CLBA1: variants seen among roughly 807,000 people sequenced by gnomAD.
CLBA1 encodes the protein clathrin binding box of aftiphilin containing 1.
In CLBA1, 30 loss-of-function variants were observed where a neutral mutation model predicts 28.8. That is an observed-to-expected ratio of 1.04 (90% CI 0.78 to 1.41). CLBA1 has a LOEUF of 1.41. Among genes scored for constraint, CLBA1 ranks in the 40% most tolerant of loss-of-function variants. The pLI, the probability that CLBA1 is intolerant of heterozygous loss-of-function variation, is 0.00. For synonymous variants in CLBA1, 160 were observed against 152.8 expected, an observed-to-expected ratio of 1.05 and a Z score of -0.35; for missense variants, 451 against 412.3, an observed-to-expected ratio of 1.09 and a Z score of -0.81.
intron 4 of CLBA1, 121 bp from the exon 5 acceptor site, chr14:104,994,477 G>A (rs1194813930): frequency 7.0e-7 from 1 of 1,429,186 alleles, no homozygotes; most frequent in Non-Finnish European, 9.1e-7. Flanking sequence ...GTTTCTAAGA[G>A]GAGAACCAAG....
chr14:104,996,886 G>T (rs1247886201), downstream of CLBA1, among the ~76,000 whole-genome samples: 1 of 152,246 alleles, frequency 6.6e-6, no homozygotes, highest in Non-Finnish European at 1.5e-5. Flanking sequence ...GGACAACTCT[G>T]TTCCCACTCT....
chr14:104,997,951 G>A (rs146460135), downstream of CLBA1, among the ~76,000 whole-genome samples: 1,704 of 152,266 alleles, frequency 0.011, 17 homozygotes, highest in Non-Finnish European at 0.018. Context: ...GAAGGTTGCA[G>A]TGAGCCGAGA....
rs1354240122 is a variant in CLBA1 at position 104,986,843 on chromosome 14, C to G, written c.412C>G (p.Pro138Ala). ...GPWVTGTSAVPPSEPILSYEN... is the reference protein window; with the variant it reads ...GPWVTGTSAVAPSEPILSYEN... ...TTGGGTGACAGGAACTTCTGCCGTC[C>G]CACCTTCTGAGGTATTTCTGCTGTG... Residue 138 changes from proline to alanine, a missense_variant, in exon 1 of 5, where the codon CCA (proline) becomes GCA (alanine). Pro to Ala is a conservative substitution (Grantham distance 27). Transcript: ENST00000547315. The G allele has an allele frequency of 1.2e-6, 2 of 1,613,020 alleles. No homozygotes were observed. The highest frequency in any genetic ancestry group is 4.5e-5 in the East Asian group (2 of 44,870).
chr14:104,996,319 G>A (rs1196265507), downstream of CLBA1, among the ~76,000 whole-genome samples: 1 of 152,200 alleles, frequency 6.6e-6, no homozygotes, highest in Admixed American at 6.5e-5. Context: ...GGGACCAGGC[G>A]ACGTACATGC....
chr14:104,993,793 C>G, intron 4 of CLBA1: 1 of 985,400 alleles, frequency 1.0e-6, no homozygotes, highest in Non-Finnish European at 1.2e-6. Context: ...ATTGTGTACA[C>G]CCAGGAGATG....
Position 104,994,811 on chromosome 14 carries a change from T to C in CLBA1, c.*52T>C, listed in dbSNP as rs1900128827. ...AGGAATTTTTCATTTTCTTCCTGGCTGGGTTGATGTGGAAACCAGAGCTGT... is the reference window on the plus strand; with the variant it reads ...AGGAATTTTTCATTTTCTTCCTGGCCGGGTTGATGTGGAAACCAGAGCTGT... On this transcript the variant is annotated 3_prime_UTR_variant, in exon 5 of 5. Transcript: ENST00000547315. 2 of 1,552,148 alleles carry C rather than the reference T, an allele frequency of 1.3e-6. No homozygotes were observed. The highest frequency in any genetic ancestry group is 1.7e-6 in the Non-Finnish European group (2 of 1,151,152).
Position 104,993,283 on chromosome 14 carries a change from T to G in CLBA1, c.816+219T>G, listed in dbSNP as rs531733422. ...ATATAAATACCATCCGGAAAGACTC[T>G]CAGGCCAGAGGACCCAGGATATGGG... On this transcript the variant is annotated intron_variant, in intron 4 of 4. Coordinates refer to ENST00000547315, the MANE Select transcript of CLBA1 (RefSeq NM_174891.4). The G allele has an allele frequency of 1.5e-5, 15 of 985,312 alleles. 1 individual carries two copies. In the South Asian group the frequency reaches 5.6e-4, roughly 37 times the overall value. The allele number at this position is 985,312 out of a possible 1,614,324, so 61.0% of individuals were successfully genotyped here. A position where few individuals can be genotyped will look rare whatever the true frequency, so the allele number is the denominator to read the frequency against.
chr14:104,999,631 A>G (rs2140902439), downstream of CLBA1: 1 of 152,268 alleles, frequency 6.6e-6, no homozygotes, highest in East Asian at 1.9e-4. Context: ...GCAGTAACAG[A>G]TGGTAGGTGC....
chr14:104,989,085 T>C lies in CLBA1; in HGVS notation c.566T>C (p.Leu189Ser). The change falls in exon 2 of 5, where the codon TTG becomes TCG. Residue 189 changes from leucine to serine, a missense_variant. Coordinates refer to ENST00000547315, the MANE Select transcript of CLBA1 (RefSeq NM_174891.4). ...EKPGVERVHK[L>S]CNESRKLWRA... ...CCTGGCGTTGAACGTGTACATAAAT[T>C]GTGGTAATGAACTGAAGAAATATTT... The C allele has an allele frequency of 1.9e-6, 3 of 1,605,814 alleles. No individual in the cohort carries two copies. Among genetic ancestry groups the C allele is most frequent in the Non-Finnish European group, 1.7e-6 (2 of 1,177,130 alleles).
chr14:104,992,552 A>G (rs1009740109), intron 3 of CLBA1, among the ~76,000 whole-genome samples: 1 of 152,212 alleles, frequency 6.6e-6, no homozygotes, highest in Non-Finnish European at 1.5e-5. Flanking sequence ...AGGAACAGAG[A>G]GGCTCCCAGT....
rs925425420 is a variant in CLBA1 at position 104,994,447 on chromosome 14, T to C, written c.817-151T>C. ...ATGTTTTCCCTGGGCGCCTCTCTGG[T>C]GACATCCCATGATGAGAAGGTTTCT... On this transcript the variant is annotated intron_variant, in intron 4 of 4. Coordinates refer to ENST00000547315, the MANE Select transcript of CLBA1 (RefSeq NM_174891.4). The C allele has an allele frequency of 1.6e-5, 22 of 1,407,610 alleles. No individual in the cohort carries two copies. In the Admixed American group the frequency reaches 5.9e-4, roughly 38 times the overall value. 87.2% of individuals were successfully genotyped at this position (1,407,610 alleles called of 1,614,324 possible). A position where few individuals can be genotyped will look rare whatever the true frequency, so the allele number is the denominator to read the frequency against.
rs536290050 is a variant in CLBA1 at position 104,985,809 on chromosome 14, A to T, written c.-623A>T. The T allele has an allele frequency of 5.2e-4, 154 of 297,866 alleles. 2 individuals carry two copies. Among genetic ancestry groups the T allele is most frequent in the South Asian group, 2.6e-3 (117 of 45,104 alleles). 18.5% of individuals were successfully genotyped at this position (297,866 alleles called of 1,614,324 possible). A position where few individuals can be genotyped will look rare whatever the true frequency, so the allele number is the denominator to read the frequency against. On this transcript the variant is annotated 5_prime_UTR_variant, in exon 1 of 5. Coordinates refer to ENST00000547315, the MANE Select transcript of CLBA1 (RefSeq NM_174891.4). ...TGCCAGGCAACGGGGCGGCGCAGGC[A>T]GGAGGGAACGGCTGGTTGCAGGTTT...
In CLBA1 at chr14:104,986,713, C is replaced by T. The variant is rs760650252; in HGVS notation, c.282C>T (p.Phe94=). 16 of 1,613,978 alleles carry T rather than the reference C, an allele frequency of 9.9e-6. No individual in the cohort carries two copies. The highest frequency in any genetic ancestry group is 1.3e-5 in the Non-Finnish European group (15 of 1,179,994). Residue 94 remains phenylalanine (F), a synonymous_variant, in exon 1 of 5, where the codon TTC becomes TTT. Coordinates refer to ENST00000547315, the MANE Select transcript of CLBA1 (RefSeq NM_174891.4). The stretch of plus-strand genomic sequence containing the variant: ...AATCTTCAGCCAAGTCTGGACAATT[C>T]TCACAGTCCCTTGAACTCCTCGAGG... The part of the protein sequence containing the change: ...FRESSAKSGQ[F]SQSLELLEGP...
At chr14:104,996,289 C>T (rs551916251), downstream of CLBA1, among the ~76,000 whole-genome samples, 1 of 152,298 alleles carries the variant, frequency 6.6e-6, no homozygotes, top group Non-Finnish European at 1.5e-5. Flanking sequence ...AGGAAGAGGC[C>T]CCTCAGAGTC....
In CLBA1 at chr14:104,995,166, A is replaced by G; in HGVS notation, c.*407A>G. Reference sequence around the variant, plus strand: ...CAGAGGAAAAGGGGAAGGCACTGAAACGTCACCAGAGAGACAGCTGTTGAG... The same window carrying G: ...CAGAGGAAAAGGGGAAGGCACTGAAGCGTCACCAGAGAGACAGCTGTTGAG... On this transcript the variant is annotated 3_prime_UTR_variant, in exon 5 of 5. Transcript: ENST00000547315. 1 of 989,370 alleles carries G rather than the reference A, an allele frequency of 1.0e-6. No individual in the cohort carries two copies. The highest frequency in any genetic ancestry group is 1.2e-6 in the Non-Finnish European group (1 of 832,802). The allele number at this position is 989,370 out of a possible 1,614,324, so 61.3% of individuals were successfully genotyped here. A position where few individuals can be genotyped will look rare whatever the true frequency, so the allele number is the denominator to read the frequency against.
Position 104,994,796 on chromosome 14 carries a change from C to A in CLBA1, c.*37C>A. ...CTTTGTACCTTTATGAGGAATTTTTCATTTTCTTCCTGGCTGGGTTGATGT... is the reference window on the plus strand; with the variant it reads ...CTTTGTACCTTTATGAGGAATTTTTAATTTTCTTCCTGGCTGGGTTGATGT... On this transcript the variant is annotated 3_prime_UTR_variant, in exon 5 of 5. Transcript: ENST00000547315. The A allele has an allele frequency of 1.9e-6, 3 of 1,566,842 alleles. No individual in the cohort carries two copies. The highest frequency in any genetic ancestry group is 1.2e-5 in the South Asian group (1 of 84,554).
At chr14:104,990,134 A>G in intron 2 of CLBA1, 1 of 182,104 alleles carries the variant, frequency 5.5e-6, no homozygotes, top group East Asian at 1.3e-4. Flanking sequence ...TGCTGGCAGC[A>G]TTGACATCTC....
intron 2 of CLBA1, chr14:104,989,648 G>A (rs916830867): frequency 1.8e-5 from 8 of 456,068 alleles, no homozygotes; most frequent in African/African-American, 1.6e-4. Flanking sequence ...ACTTTCAACT[G>A]AGCATTGAAA....
At chr14:104,993,644 G>C in intron 4 of CLBA1, 2 of 985,416 alleles carry the variant, frequency 2.0e-6, no homozygotes. Flanking sequence ...TTTTATCAGG[G>C]GGAAGAAAAG....
Sources: allele counts gnomAD v4.1 joint callset (sites outside exome capture counted in the v4.1 genomes callset), GRCh38; gene constraint gnomAD v4.1.1; transcripts MANE v1.5; gene names NCBI Gene and HGNC (gene_info 2026-07-23, HGNC 2026-07-21).